The following KLF5 variants were observed in gnomAD, a reference collection of about 807,000 sequenced individuals.
KLF5 encodes the protein Krueppel-like factor 5.
In KLF5, 9 loss-of-function variants were observed where a neutral mutation model predicts 36.9. That is an observed-to-expected ratio of 0.24 (90% confidence interval 0.15 to 0.43). The LOEUF is 0.43. Among genes scored for constraint, KLF5 ranks in the 20% least tolerant of loss-of-function variants. The pLI is 1.00. For synonymous variants in KLF5, 246 were observed against 241.7 expected, an observed-to-expected ratio of 1.02 and a Z score of -0.17; for missense variants, 524 against 599.5, an observed-to-expected ratio of 0.87 and a Z score of 1.31.
chr13:73,068,361 C>T (rs1389321145), intron 3 of KLF5, among the ~76,000 whole-genome samples: 2 of 152,106 alleles, frequency 1.3e-5, no homozygotes, highest in East Asian at 1.9e-4. Context: ...AGATTTGCTG[C>T]TGAATATATT....
chr13:73,069,101 A>C (rs1212350280), intron 3 of KLF5, among the ~76,000 whole-genome samples: 1 of 152,196 alleles, frequency 6.6e-6, no homozygotes, highest in Non-Finnish European at 1.5e-5. Flanking sequence ...ATCTGAAAAA[A>C]TAATAATAAT....
At chr13:73,075,630 TGAAA>T in intron 3 of KLF5, 74 bp from the exon 4 acceptor site, 7 of 1,271,578 alleles carry the variant, frequency 5.5e-6, no homozygotes, top group African/African-American at 3.0e-5. Flanking sequence ...TTTTTTTCTT[TGAAA>T]TTCCTTCTCC....
rs1396685294 is a variant in KLF5 at position 73,059,536 on chromosome 13, C to T, written c.209C>T (p.Pro70Leu). The part of the protein sequence containing the change: ...AQPAPAQAPQ[P>L]AQPPATGPRL... Reference sequence around the variant, plus strand: ...CCCGCGCCCGCGCAGGCCCCGCAGCCGGCCCAGCCGCCCGCCACCGGCCCG... The same window carrying T: ...CCCGCGCCCGCGCAGGCCCCGCAGCTGGCCCAGCCGCCCGCCACCGGCCCG... The change falls in exon 1 of 4, where the codon CCG becomes CTG. Residue 70 changes from proline (P) to leucine (L), a missense_variant. Around this residue, in one of 4 missense-constraint regions of KLF5, gnomAD observed 454 missense variants for 458.1 expected, o/e 0.99. Transcript: ENST00000377687. The T allele has an allele frequency of 2.4e-5, 29 of 1,186,272 alleles. No individual in the cohort carries two copies. The highest frequency in any genetic ancestry group is 4.6e-5 in the Admixed American group (1 of 21,750). The allele number at this position is 1,186,272 out of a possible 1,614,324, so 73.5% of individuals were successfully genotyped here. A position where few individuals can be genotyped will look rare whatever the true frequency, so the allele number is the denominator to read the frequency against.
chr13:73,070,762 TAAA>T, intron 3 of KLF5, among the ~76,000 whole-genome samples: 1 of 152,294 alleles, frequency 6.6e-6, no homozygotes. Flanking sequence ...ACAATTTGTT[TAAA>T]CAGAGTTTAT....
intron 3 of KLF5, 65 bp from the exon 4 acceptor site, chr13:73,075,643 C>G (rs1235258668): frequency 7.6e-7 from 1 of 1,315,984 alleles, no homozygotes; most frequent in African/African-American, 1.5e-5. Flanking sequence ...AATTCCTTCT[C>G]CGGTGTTATC....
chr13:73,071,528 G>T (rs142254567), intron 3 of KLF5, among the ~76,000 whole-genome samples: 2,138 of 152,030 alleles, frequency 0.014, 63 homozygotes, highest in African/African-American at 0.048. Flanking sequence ...GAATTAGTGA[G>T]CTAAAATCAT....
chr13:73,061,977 C>T lies in KLF5; in HGVS notation c.378C>T (p.Asp126=). The change falls in exon 2 of 4, where the codon GAC becomes GAT. Residue 126 remains aspartate, a synonymous_variant. Transcript: ENST00000377687. Reference sequence around the variant, plus strand: ...CAGTCGTAGACCAGTTCTTCACTGACACTGAAGGGTTACCTTACAGTATCA... The same window carrying T: ...CAGTCGTAGACCAGTTCTTCACTGATACTGAAGGGTTACCTTACAGTATCA... ...SASVVDQFFT[D]TEGLPYSINM... 1.2e-6 allele frequency: 2 copies of T among 1,614,134 alleles called. No homozygotes were observed. The highest frequency in any genetic ancestry group is 8.5e-7 in the Non-Finnish European group (1 of 1,179,968).
upstream of KLF5, among the ~76,000 whole-genome samples, chr13:73,057,656 T>G (rs577144957): frequency 1.3e-5 from 2 of 152,372 alleles, no homozygotes; most frequent in South Asian, 4.1e-4. Flanking sequence ...ATACACTCTT[T>G]GAAGTGAACG....
Position 73,062,384 on chromosome 13 carries a change from G to C in KLF5, c.785G>C (p.Gly262Ala). ...GTTTCTATGTCAGCTGCCATGGCAG[G>C]CCTTAACACACACACCTCTGCTGTT... ...LNVSMSAAMA[G>A]LNTHTSAVPQ... Residue 262 changes from glycine (G) to alanine (A), a missense_variant, in exon 2 of 4, where the codon GGC (glycine) becomes GCC (alanine). By Grantham distance (60) the Gly-to-Ala change is moderately conservative. Transcript: ENST00000377687. 3 of 1,614,146 alleles carry C rather than the reference G, an allele frequency of 1.9e-6. No individual in the cohort carries two copies. The highest frequency in any genetic ancestry group is 2.5e-6 in the Non-Finnish European group (3 of 1,180,034).
rs1594393463 is a variant in KLF5 at position 73,062,571 on chromosome 13, A to G, written c.972A>G (p.Pro324=). The change falls in exon 2 of 4, where the codon CCA becomes CCG. Residue 324 remains proline (P), a synonymous_variant. Coordinates refer to ENST00000377687, the MANE Select transcript of KLF5 (RefSeq NM_001730.5). Reference sequence around the variant, plus strand: ...CAGAGATGCTCCAGAATTTAACCCCACCTCCATCCTATGCTGCTACAATTG... The same window carrying G: ...CAGAGATGCTCCAGAATTTAACCCCGCCTCCATCCTATGCTGCTACAATTG... ...RQAEMLQNLT[P]PPSYAATIAS... 6 of 1,613,884 alleles carry G rather than the reference A, an allele frequency of 3.7e-6. No homozygotes were observed. The highest frequency in any genetic ancestry group is 5.1e-6 in the Non-Finnish European group (6 of 1,179,972).
intron 3 of KLF5, among the ~76,000 whole-genome samples, chr13:73,064,522 TTTG>T (rs1383557785): frequency 6.6e-6 from 1 of 152,132 alleles, no homozygotes; most frequent in African/African-American, 2.4e-5. Flanking sequence ...CTCCTCTACT[TTTG>T]TATTTGCTTT....
At chr13:73,066,192 T>C (rs938307559) in intron 3 of KLF5, among the ~76,000 whole-genome samples, 13 of 152,212 alleles carry the variant, frequency 8.5e-5, no homozygotes, top group African/African-American at 2.7e-4. Flanking sequence ...TCATAGAGCA[T>C]TGAGGTTGTT....
rs558214923 is a variant in KLF5, at chr13:73,068,078, T to C, written c.1195+4195T>C. ...CTGGTCTCGAACTCCTGACCTCAGATGATCCACCCGCCCCAGCCTCCCAAA... is the reference window on the plus strand; with the variant it reads ...CTGGTCTCGAACTCCTGACCTCAGACGATCCACCCGCCCCAGCCTCCCAAA... On this transcript the variant is annotated intron_variant, in intron 3 of 3. Transcript: ENST00000377687. Among the ~76,000 whole-genome samples, 87 of 151,086 alleles carry C rather than the reference T, an allele frequency of 5.8e-4. No homozygotes were observed. In the Middle Eastern group the frequency reaches 0.027, roughly 48 times the overall value.
upstream of KLF5, among the ~76,000 whole-genome samples, chr13:73,058,059 A>T (rs1156631048): frequency 2.0e-5 from 3 of 152,228 alleles, no homozygotes; most frequent in African/African-American, 7.2e-5. Flanking sequence ...AATGTGAGGT[A>T]AATGTGCTAG....
intron 3 of KLF5, among the ~76,000 whole-genome samples, chr13:73,072,492 G>T (rs2044729273): frequency 6.6e-6 from 1 of 152,140 alleles, no homozygotes. Flanking sequence ...GCTGACCTTC[G>T]CAAGTGGCTT....
intron 3 of KLF5, among the ~76,000 whole-genome samples, chr13:73,075,454 T>C (rs1353461688): frequency 1.3e-5 from 2 of 152,206 alleles, no homozygotes; most frequent in Non-Finnish European, 2.9e-5. Flanking sequence ...AAAATTGTTA[T>C]TCTTCAGTTG....
Position 73,059,215 on chromosome 13 carries a change from G to A in KLF5, c.-113G>A. On this transcript the variant is annotated 5_prime_UTR_variant, in exon 1 of 4. Transcript: ENST00000377687. The stretch of plus-strand genomic sequence containing the variant: ...CTGCCGCTGTCTGAGGAGTCCACCC[G>A]AAACCTCCCCTCCTCCGCCGGCAGC... 1 of 1,086,376 alleles carries A rather than the reference G, an allele frequency of 9.2e-7. No individual in the cohort carries two copies. The highest frequency in any genetic ancestry group is 1.6e-5 in the African/African-American group (1 of 61,038). The allele number at this position is 1,086,376 out of a possible 1,614,324, so 67.3% of individuals were successfully genotyped here. A position where few individuals can be genotyped will look rare whatever the true frequency, so the allele number is the denominator to read the frequency against.
intron 3 of KLF5, among the ~76,000 whole-genome samples, chr13:73,066,446 T>A (rs571045359): frequency 6.6e-6 from 1 of 152,308 alleles, no homozygotes; most frequent in East Asian, 1.9e-4. Context: ...CTCGGACCGT[T>A]GATCAGAGGA....
chr13:73,064,344 GT>G (rs2044663752), intron 3 of KLF5, among the ~76,000 whole-genome samples: 2 of 152,238 alleles, frequency 1.3e-5, no homozygotes, highest in South Asian at 4.1e-4. Context: ...AAATATCTGT[GT>G]TTAGTATGTT....
Sources: allele counts gnomAD v4.1 joint callset (sites outside exome capture counted in the v4.1 genomes callset), GRCh38; gene constraint gnomAD v4.1.1; regional missense constraint gnomAD v4.1.1; transcripts MANE v1.5; gene names NCBI Gene and HGNC (gene_info 2026-07-23, HGNC 2026-07-21).